The following LRRC72 variants were observed in gnomAD, a reference collection of about 807,000 sequenced individuals.
LRRC72 encodes the protein leucine rich repeat containing 72.
In LRRC72, 41 loss-of-function variants were observed where a neutral mutation model predicts 35.8. That is an observed-to-expected ratio of 1.15 (90% CI 0.89 to 1.49). LRRC72 has a LOEUF of 1.49. Ranked by LOEUF, LRRC72 falls within the 40% of genes most tolerant of loss-of-function variation. The probability of loss-of-function intolerance (pLI) is 0.00; values close to 1 mark genes in which losing one functional copy is unlikely to be tolerated. For synonymous variants in LRRC72, 118 were observed against 119.2 expected, an observed-to-expected ratio of 0.99 and a Z score of 0.07; for missense variants, 389 against 330.7, an observed-to-expected ratio of 1.18 and a Z score of -1.37.
chr7:16,571,970 A>G (rs999106947), intron 7 of LRRC72, among the ~76,000 whole-genome samples: 26 of 152,210 alleles, frequency 1.7e-4, no homozygotes, highest in African/African-American at 6.0e-4. Context: ...TGCCAGCACA[A>G]CAGTCTGAAG....
intron 3 of LRRC72, among the ~76,000 whole-genome samples, chr7:16,539,988 C>A (rs1657169835): frequency 6.6e-6 from 1 of 152,224 alleles, no homozygotes; most frequent in Non-Finnish European, 1.5e-5. Context: ...CACACAGAGT[C>A]CCCACTGGGG....
intron 7 of LRRC72, among the ~76,000 whole-genome samples, chr7:16,574,925 G>A (rs923934231): frequency 5.9e-5 from 9 of 151,992 alleles, no homozygotes; most frequent in African/African-American, 2.2e-4. Flanking sequence ...AGACCAGCCT[G>A]GCCAATATGG....
At chr7:16,537,726 A>G in intron 3 of LRRC72, 30 bp downstream of exon 3, 1 of 1,171,184 alleles carries the variant, frequency 8.5e-7, no homozygotes, top group Non-Finnish European at 1.2e-6. Context: ...TTCAATTACT[A>G]AAATTAAACT....
intron 2 of LRRC72, among the ~76,000 whole-genome samples, chr7:16,533,275 C>T (rs1377063216): frequency 6.6e-6 from 1 of 152,114 alleles, no homozygotes; most frequent in Non-Finnish European, 1.5e-5. Context: ...CAACAGACCA[C>T]TTTGATTCCA....
chr7:16,541,897 C>T (rs771701850), intron 3 of LRRC72, among the ~76,000 whole-genome samples: 1 of 151,966 alleles, frequency 6.6e-6, no homozygotes. Flanking sequence ...GGTGACAGAG[C>T]GAGACTCCAT....
chr7:16,578,200 A>G (rs6960227), intron 7 of LRRC72, among the ~76,000 whole-genome samples: 13,261 of 152,286 alleles, frequency 0.087, 701 homozygotes, highest in African/African-American at 0.15. Context: ...TTATAGAATT[A>G]ATCCATAATA....
chr7:16,532,616 T>C (rs1344773678), intron 2 of LRRC72, 48 bp downstream of exon 2: 1 of 1,343,188 alleles, frequency 7.4e-7, no homozygotes, highest in Non-Finnish European at 1.0e-6. Flanking sequence ...GTTATCATGA[T>C]CATGTTAAAA....
In LRRC72 at chr7:16,578,727, T is replaced by C. The variant is rs188535632; in HGVS notation, c.671-1347T>C. 4.0e-3 allele frequency among the ~76,000 whole-genome samples: 616 copies of C among 152,308 alleles called. 5 individuals are homozygous for C. The highest frequency in any genetic ancestry group is 0.014 in the African/African-American group (594 of 41,568). On this transcript the variant is annotated intron_variant, in intron 7 of 8. Coordinates refer to ENST00000401542, the MANE Select transcript of LRRC72 (RefSeq NM_001195280.2). The stretch of plus-strand genomic sequence containing the variant: ...TTCCCTTTTTACTCACTATTTTCTT[T>C]ATTGTTTATATTCATTGTAAGTAAA...
At chr7:16,580,042 A>G in intron 7 of LRRC72, 32 bp from the exon 8 acceptor site, 1 of 419,330 alleles carries the variant, frequency 2.4e-6, no homozygotes, top group Non-Finnish European at 4.3e-6. Context: ...AATATTTTAA[A>G]ATACTAACTT....
At chr7:16,563,078 G>A (rs1782770722) in intron 5 of LRRC72, among the ~76,000 whole-genome samples, 1 of 152,118 alleles carries the variant, frequency 6.6e-6, no homozygotes, top group South Asian at 2.1e-4. Context: ...TCCTTCCACA[G>A]GCCGTTCTCT....
At chr7:16,567,646 A>T in intron 7 of LRRC72, 103 bp downstream of exon 7, 1 of 963,658 alleles carries the variant, frequency 1.0e-6, no homozygotes, top group Non-Finnish European at 1.4e-6. Flanking sequence ...TTTACAATAA[A>T]CTTAAGTATC....
At chr7:16,534,981 T>C (rs1356848019) in intron 2 of LRRC72, among the ~76,000 whole-genome samples, 2 of 152,180 alleles carry the variant, frequency 1.3e-5, no homozygotes, top group African/African-American at 4.8e-5. Flanking sequence ...GTGGATCACC[T>C]GAGCCCAGGA....
At position 16,581,435 on chromosome 7, in the gene LRRC72, C is replaced by A; in HGVS notation, c.810C>A (p.Tyr270Ter). Residue 270 changes from tyrosine to a stop codon, truncating the protein, a stop_gained, in exon 9 of 9, where the codon TAC (tyrosine) becomes TAA (stop). Transcript: ENST00000401542. LOFTEE classifies it high-confidence loss of function. ...WDTVPTREER[Y>*]LEEEGTETAQ... ...CAGTTCCAACACGAGAGGAAAGGTA[C>A]CTTGAAGAGGAAGGCACAGAAACAG... The A allele has an allele frequency of 6.5e-7, 1 of 1,550,064 alleles. No homozygotes were observed.
chr7:16,527,116 G>C lies in LRRC72; in HGVS notation c.90+74G>C, dbSNP rs1404466199. ...CCCAGGGCCCCACCTCCTGCCTGAG[G>C]ACTCCAGGCAGGTACTGAATTTGGA... On this transcript the variant is annotated intron_variant, in intron 1 of 8. Coordinates refer to ENST00000401542, the MANE Select transcript of LRRC72 (RefSeq NM_001195280.2). 4 of 1,216,786 alleles carry C rather than the reference G, an allele frequency of 3.3e-6. No homozygotes were observed. In the African/African-American group the frequency reaches 6.0e-5, roughly 18 times the overall value. 75.4% of individuals were successfully genotyped at this position (1,216,786 alleles called of 1,614,324 possible).
Position 16,526,989 on chromosome 7 carries a change from C to A in LRRC72, c.37C>A (p.Arg13=), listed in dbSNP as rs1238130785. 1.3e-6 allele frequency: 2 copies of A among 1,540,010 alleles called. No homozygotes were observed. Among genetic ancestry groups the A allele is most frequent in the Admixed American group, 2.0e-5 (1 of 51,008 alleles). The change falls in exon 1 of 9, where the codon CGA becomes AGA. Residue 13 remains arginine (R), a synonymous_variant. Coordinates refer to ENST00000401542, the MANE Select transcript of LRRC72 (RefSeq NM_001195280.2). ...WDPNPVPRTL[R]CWRLRRASET... is the part of the protein sequence containing the mutation. ...CCCGAACCCCGTGCCCCGTACCTTGCGATGCTGGCGCCTACGGAGGGCATC... is the reference window on the plus strand; with the variant it reads ...CCCGAACCCCGTGCCCCGTACCTTGAGATGCTGGCGCCTACGGAGGGCATC...
chr7:16,535,694 G>A (rs1198119186), intron 2 of LRRC72, among the ~76,000 whole-genome samples: 2 of 152,058 alleles, frequency 1.3e-5, no homozygotes, highest in Non-Finnish European at 2.9e-5. Flanking sequence ...ATCAAGAGTG[G>A]GGCAGACTGA....
At chr7:16,574,568 T>C (rs1465004834) in intron 7 of LRRC72, among the ~76,000 whole-genome samples, 3 of 152,186 alleles carry the variant, frequency 2.0e-5, no homozygotes, top group Middle Eastern at 3.4e-3. Flanking sequence ...AAACACTGCA[T>C]GTTCTCACTC....
Position 16,566,321 on chromosome 7 carries a change from C to G in LRRC72, c.436C>G (p.Gln146Glu), listed in dbSNP as rs1782837724. ...MLNLKILSLY[Q>E]NPLCQYNLYR... ...GGATTCTTCATTTGCAGGTCTATAC[C>G]AAAATCCTTTGTGCCAATATAACCT... Residue 146 changes from glutamine to glutamate, a missense_variant, in exon 6 of 9, where the codon CAA becomes GAA. By Grantham distance (29) the Gln-to-Glu change is conservative. Coordinates refer to ENST00000401542, the MANE Select transcript of LRRC72 (RefSeq NM_001195280.2). 1 of 1,535,338 alleles carries G rather than the reference C, an allele frequency of 6.5e-7. No individual in the cohort carries two copies. The highest frequency in any genetic ancestry group is 1.4e-5 in the African/African-American group (1 of 72,374).
intron 7 of LRRC72, among the ~76,000 whole-genome samples, chr7:16,570,815 C>G (rs186974054): frequency 1.3e-5 from 2 of 152,146 alleles, no homozygotes; most frequent in East Asian, 3.9e-4. Context: ...TCTCTCAAAA[C>G]AAACAAACAA....
Sources: allele counts gnomAD v4.1 joint callset (sites outside exome capture counted in the v4.1 genomes callset), GRCh38; gene constraint gnomAD v4.1.1; transcripts MANE v1.5; gene names NCBI Gene and HGNC (gene_info 2026-07-23, HGNC 2026-07-21).